TTC39A: variants seen among roughly 807,000 people sequenced by gnomAD.
TTC39A encodes tetratricopeptide repeat protein 39A.
Under a neutral mutation model 82.3 loss-of-function variants are expected in TTC39A, and 46 were observed. The ratio of observed to expected loss-of-function variants is 0.56; its 90% CI spans 0.44 to 0.71. The LOEUF (loss-of-function observed/expected upper bound fraction) is 0.71, where lower values mean the gene tolerates loss of function less well. TTC39A is among the 30% of genes least tolerant of loss of function. The pLI is 0.00. For synonymous variants in TTC39A, 254 were observed against 275.2 expected, an observed-to-expected ratio of 0.92 and a Z score of 0.76; for missense variants, 543 against 712.9, an observed-to-expected ratio of 0.76 and a Z score of 2.71.
chr1:51,338,194 G>C (rs1311646337), intron 1 of TTC39A, among the ~76,000 whole-genome samples: 2 of 152,290 alleles, frequency 1.3e-5, no homozygotes, highest in Admixed American at 1.3e-4. Context: ...AAGAGATACT[G>C]AAGCCATTTC....
chr1:51,330,739 G>C (rs1460601763), upstream of TTC39A: 1 of 604,894 alleles, frequency 1.7e-6, no homozygotes, highest in Non-Finnish European at 2.2e-6. This position sits in a 1 kb window ranked among gnomAD's most constrained non-coding sequence, Gnocchi z 4.5. Context: ...ACAGGTGAGA[G>C]CCCGGCGCCC....
intron 1 of TTC39A, among the ~76,000 whole-genome samples, chr1:51,340,792 A>G (rs1385532479): frequency 6.6e-6 from 1 of 152,118 alleles, no homozygotes; most frequent in East Asian, 1.9e-4. Flanking sequence ...CATTACCCCC[A>G]TTTTACAGAT....
intron 2 of TTC39A, among the ~76,000 whole-genome samples, chr1:51,319,760 T>C (rs970338738): frequency 6.6e-5 from 10 of 151,628 alleles, no homozygotes; most frequent in African/African-American, 2.4e-4. Context: ...GAGCAATCTC[T>C]GCTCACTGCA....
intron 1 of TTC39A, among the ~76,000 whole-genome samples, chr1:51,325,174 A>G (rs1039717039): frequency 1.3e-5 from 2 of 152,054 alleles, no homozygotes; most frequent in African/African-American, 2.4e-5. Context: ...GAATCGCTTG[A>G]ACATGGGAGG....
Position 51,302,419 on chromosome 1 carries a change from G to A in TTC39A, c.832-3C>T. On this transcript the variant is annotated splice_region_variant and splice_polypyrimidine_tract_variant and intron_variant, in intron 10 of 17. Coordinates refer to ENST00000680483, the MANE Select transcript of TTC39A (RefSeq NM_001297663.2). ...GCAAAGAACAGGAAGATGGCACCCT[G>A]CAATGACACACATGTAAGTCCGTGT... is the stretch of plus-strand genomic sequence containing the variant. The A allele has an allele frequency of 6.2e-7, 1 of 1,609,452 alleles. No homozygotes were observed. The highest frequency in any genetic ancestry group is 8.5e-7 in the Non-Finnish European group (1 of 1,177,800).
chr1:51,330,442 G>A lies in TTC39A; in HGVS notation c.36C>T (p.Pro12=), dbSNP rs1403072015. 1.2e-5 allele frequency: 12 copies of A among 982,562 alleles called. No individual in the cohort carries two copies. In the South Asian group the frequency reaches 4.1e-4, roughly 34 times the overall value. The allele number at this position is 982,562 out of a possible 1,614,324, so 60.9% of individuals were successfully genotyped here. ...CCTCCCAGCCGCGCACTTACCCCGC[G>A]GGCAGGGCTCCTGGGGCGCCGCCAG... ...TSAGGAPGAL[P]AGTPESSLHE... is the part of the protein sequence containing the mutation. Residue 12 remains proline, a synonymous_variant, in exon 1 of 18, where the codon CCC becomes CCT. Coordinates refer to ENST00000680483, the MANE Select transcript of TTC39A (RefSeq NM_001297663.2). This position sits in a 1 kb window ranked among gnomAD's most constrained non-coding sequence, Gnocchi z 4.5.
chr1:51,305,139 G>A lies in TTC39A; in HGVS notation c.596C>T (p.Ser199Phe), dbSNP rs781264401. The A allele has an allele frequency of 6.2e-7, 1 of 1,613,384 alleles. No individual in the cohort carries two copies. Among genetic ancestry groups the A allele is most frequent in the South Asian group, 1.1e-5 (1 of 91,024 alleles). The change falls in exon 8 of 18, where the codon TCC becomes TTC. Residue 199 changes from serine to phenylalanine, a missense_variant. Physicochemically the swap from Ser to Phe is radical, Grantham distance 155. Coordinates refer to ENST00000680483, the MANE Select transcript of TTC39A (RefSeq NM_001297663.2). ...LGVGAFNLTL[S>F]MLPTRILRLL... is the part of the protein sequence containing the mutation. ...CCTCAGGATCCTAGTAGGAAGCATG[G>A]ACAGTGTCTGCAAGAAAGGAGGCAA...
upstream of TTC39A, chr1:51,335,041 G>A (rs751804870): frequency 3.9e-5 from 6 of 152,280 alleles, no homozygotes; most frequent in African/African-American, 7.2e-5. Context: ...TGACAGCTGG[G>A]CCCTGGCGAT....
chr1:51,322,275 C>G (rs914186489), intron 1 of TTC39A: 5 of 1,442,834 alleles, frequency 3.5e-6, no homozygotes, highest in Non-Finnish European at 4.6e-6. Context: ...CTCTAGAATC[C>G]CTGACGTTGT....
chr1:51,312,203 G>C lies in TTC39A; in HGVS notation c.279-8C>G. The C allele has an allele frequency of 6.2e-7, 1 of 1,600,058 alleles. No homozygotes were observed. Among genetic ancestry groups the C allele is most frequent in the East Asian group, 2.3e-5 (1 of 44,350 alleles). On this transcript the variant is annotated splice_polypyrimidine_tract_variant and splice_region_variant and intron_variant, in intron 3 of 17. Coordinates refer to ENST00000680483, the MANE Select transcript of TTC39A (RefSeq NM_001297663.2). ...GAAGACTTCCTCCGGTGCCTGAAGA[G>C]GAAAAAGAGGGGCCTCAGGTGAGGA... is the stretch of plus-strand genomic sequence containing the variant.
Position 51,330,426 on chromosome 1 carries a change from C to G in TTC39A, c.41+11G>C. The G allele has an allele frequency of 1.0e-6, 1 of 982,434 alleles. No individual in the cohort carries two copies. Among genetic ancestry groups the G allele is most frequent in the Non-Finnish European group, 1.2e-6 (1 of 829,472 alleles). The allele number at this position is 982,434 out of a possible 1,614,324, so 60.9% of individuals were successfully genotyped here. On this transcript the variant is annotated intron_variant, in intron 1 of 17. Transcript: ENST00000680483. The surrounding 1 kb of genome is among the most constrained non-coding windows in gnomAD (Gnocchi z 4.5). The stretch of plus-strand genomic sequence containing the variant: ...CGCCCGCGCCCCCGGGCCTCCCAGC[C>G]GCGCACTTACCCCGCGGGCAGGGCT...
chr1:51,293,556 G>A (rs1211919334), intron 14 of TTC39A, among the ~76,000 whole-genome samples: 1 of 152,164 alleles, frequency 6.6e-6, no homozygotes, highest in Non-Finnish European at 1.5e-5. Context: ...TACATAAGGG[G>A]AAGAGGGAAC....
chr1:51,314,179 G>A (rs1021319589), intron 2 of TTC39A, among the ~76,000 whole-genome samples: 2 of 152,212 alleles, frequency 1.3e-5, no homozygotes, highest in South Asian at 4.1e-4. Context: ...GCAGGGGGTG[G>A]CATTTAGTCC....
upstream of TTC39A, chr1:51,330,995 T>C: frequency 1.5e-6 from 1 of 681,464 alleles, no homozygotes; most frequent in Non-Finnish European, 2.7e-6. The surrounding 1 kb of genome is among the most constrained non-coding windows in gnomAD (Gnocchi z 4.5). Flanking sequence ...TCTCGCCCAC[T>C]GAGTGACTGC....
Position 51,312,812 on chromosome 1 carries a change from C to T in TTC39A, c.278G>A (p.Arg93Lys). The T allele has an allele frequency of 2.5e-6, 4 of 1,613,368 alleles. No homozygotes were observed. The highest frequency in any genetic ancestry group is 3.4e-6 in the Non-Finnish European group (4 of 1,179,484). ...MMKEAQMLCQ[R>K]HRRKSSVTDS... ...GATCCCTGCCCCCAATGCCCCCAAC[C>T]TCTGACACAGCATCTGTGCCTCCTT... Residue 93 changes from arginine (R) to lysine (K), a missense_variant and splice_region_variant, in exon 3 of 18, where the codon AGG becomes AAG. Transcript: ENST00000680483.
chr1:51,294,923 C>T lies in TTC39A; in HGVS notation c.1146-412G>A, dbSNP rs1004217370. 2.0e-5 allele frequency among the ~76,000 whole-genome samples: 3 copies of T among 152,250 alleles called. No individual in the cohort carries two copies. Among genetic ancestry groups the T allele is most frequent in the Non-Finnish European group, 4.4e-5 (3 of 68,038 alleles). ...GGGACCTACCCAAGACCAAACAGCT[C>T]AAACCCTTAATTAACTCTTGCCTCG... On this transcript the variant is annotated intron_variant, in intron 13 of 17. Transcript: ENST00000680483. This position sits in a 1 kb window ranked among gnomAD's most constrained non-coding sequence, Gnocchi z 4.3.
intron 14 of TTC39A, among the ~76,000 whole-genome samples, chr1:51,292,059 C>T (rs897980492): frequency 9.9e-5 from 15 of 151,980 alleles, no homozygotes; most frequent in Non-Finnish European, 1.5e-4. Context: ...CTGAGCATGG[C>T]GGTGCACACC....
rs1050706767 is a variant in TTC39A, at chr1:51,301,973, T to C, written c.892-240A>G. The C allele has an allele frequency of 2.2e-5, 14 of 650,334 alleles. No homozygotes were observed. In the African/African-American group the frequency reaches 2.3e-4, roughly 11 times the overall value. 40.3% of individuals were successfully genotyped at this position (650,334 alleles called of 1,614,324 possible). On this transcript the variant is annotated intron_variant, in intron 11 of 17. Transcript: ENST00000680483. Reference sequence around the variant, plus strand: ...AGCCCCCGCCTAGGACTCTGGTTTTTAGTAACAAAATGAAAGAGCAGGAGA... The same window carrying C: ...AGCCCCCGCCTAGGACTCTGGTTTTCAGTAACAAAATGAAAGAGCAGGAGA...
In TTC39A at chr1:51,290,138, G is replaced by C. The variant is rs1644148718; in HGVS notation, c.1379-19C>G. 3.1e-6 allele frequency: 5 copies of C among 1,605,394 alleles called. No homozygotes were observed. Among genetic ancestry groups the C allele is most frequent in the Non-Finnish European group, 4.3e-6 (5 of 1,175,144 alleles). ...TCGTTCTCTGAAAATAGGGATGTGAGGGAAAAAGACAGACTTGTTCATTTC... is the reference window on the plus strand; with the variant it reads ...TCGTTCTCTGAAAATAGGGATGTGACGGAAAAAGACAGACTTGTTCATTTC... On this transcript the variant is annotated intron_variant, in intron 15 of 17. Transcript: ENST00000680483.
Sources: gnomAD v4.1 joint callset for allele counts (sites outside exome capture counted in the v4.1 genomes callset) on GRCh38, gnomAD v4.1.1 for gene constraint, Gnocchi (gnomAD v3.1) non-coding constraint, MANE v1.5 for transcripts, NCBI Gene and HGNC (gene_info 2026-07-23, HGNC 2026-07-21) for gene names.